The following FRY variants were observed in gnomAD, a reference collection of about 807,000 sequenced individuals.
FRY encodes FRY microtubule binding protein.
Under a neutral mutation model 348.4 loss-of-function variants are expected in FRY, and 128 were observed. That is an observed-to-expected ratio of 0.37 (90% CI 0.32 to 0.43). The LOEUF is 0.43. FRY is among the 20% of genes least tolerant of loss of function. FRY has a pLI of 1.00. For missense variants in FRY, 2,736 were observed against 3,695.2 expected, an observed-to-expected ratio of 0.74 and a Z score of 6.73; for synonymous variants, 1,370 against 1,374.7, an observed-to-expected ratio of 1.00 and a Z score of 0.08.
At chr13:32,125,400 G>C (rs533407146) in intron 7 of FRY, among the ~76,000 whole-genome samples, 1 of 152,284 alleles carries the variant, frequency 6.6e-6, no homozygotes, top group Admixed American at 6.5e-5. Context: ...ACAAAATTGC[G>C]TTAGACTATT....
At chr13:32,056,600 G>T (rs2138424903) in intron 1 of FRY, among the ~76,000 whole-genome samples, 1 of 152,264 alleles carries the variant, frequency 6.6e-6, no homozygotes, top group East Asian at 1.9e-4. Flanking sequence ...CTTATGTTGT[G>T]CTCCATTTGG....
chr13:32,115,911 G>A (rs945598051), intron 3 of FRY, among the ~76,000 whole-genome samples: 9 of 151,502 alleles, frequency 5.9e-5, no homozygotes, highest in African/African-American at 2.2e-4. Context: ...CTAACAAATT[G>A]GAATCATACC....
At chr13:32,166,264 G>T (rs921919489) in intron 17 of FRY, among the ~76,000 whole-genome samples, 6 of 152,150 alleles carry the variant, frequency 3.9e-5, no homozygotes, top group African/African-American at 1.4e-4. Flanking sequence ...CTTAATTGTT[G>T]CCACCAAACT....
At chr13:32,164,669 G>A (rs1881632300) in intron 17 of FRY, among the ~76,000 whole-genome samples, 1 of 152,170 alleles carries the variant, frequency 6.6e-6, no homozygotes, top group Non-Finnish European at 1.5e-5. Context: ...AAGCTTCACA[G>A]GCCCTCCTGA....
chr13:32,173,958 G>A (rs58748973), intron 19 of FRY, among the ~76,000 whole-genome samples: 19,047 of 152,250 alleles, frequency 0.13, 1,517 homozygotes, highest in African/African-American at 0.22. Context: ...ATTGAAAGAT[G>A]TTTAATCTTG....
At chr13:32,225,610 A>C (rs1885539435) in intron 38 of FRY, among the ~76,000 whole-genome samples, 179 bp from the exon 39 acceptor site, 1 of 152,240 alleles carries the variant, frequency 6.6e-6, no homozygotes, top group Non-Finnish European at 1.5e-5. Flanking sequence ...TTACTTAAGA[A>C]ATAAAGCATT....
At position 32,247,386 on chromosome 13, in the gene FRY, G is replaced by A. The variant is rs1359281704; in HGVS notation, c.6892G>A (p.Val2298Ile). ...KLVVSRSASL[V>I]LPSYQHSDLS... ...GGTAGTTTCTCGGTCAGCCAGCCTT[G>A]TTTTACCTTCATACCAGCACAGTGA... Residue 2298 changes from valine (V) to isoleucine (I), a missense_variant, in exon 48 of 61, where the codon GTT becomes ATT. Physicochemically the swap from Val to Ile is conservative, Grantham distance 29. Around this residue, in one of 9 missense-constraint regions of FRY, gnomAD observed 789 missense variants for 996.2 expected, o/e 0.79. Coordinates refer to ENST00000542859, the MANE Select transcript of FRY (RefSeq NM_023037.3). The A allele has an allele frequency of 1.9e-6, 3 of 1,613,584 alleles. No individual in the cohort carries two copies. The highest frequency in any genetic ancestry group is 4.5e-5 in the East Asian group (2 of 44,890).
intron 1 of FRY, among the ~76,000 whole-genome samples, chr13:32,057,915 G>A (rs407522): frequency 0.46 from 69,968 of 151,878 alleles, 18,426 homozygotes; most frequent in Non-Finnish European, 0.57. Context: ...AGCCAAGATC[G>A]CGCCACTATA....
intron 3 of FRY, among the ~76,000 whole-genome samples, chr13:32,114,159 A>T (rs1183758888): frequency 6.6e-6 from 1 of 152,200 alleles, no homozygotes; most frequent in East Asian, 1.9e-4. Flanking sequence ...GTCTGTAGTG[A>T]GTATTGGAAC....
At chr13:32,255,545 A>G (rs1887286896) in intron 51 of FRY, among the ~76,000 whole-genome samples, 1 of 152,228 alleles carries the variant, frequency 6.6e-6, no homozygotes. Flanking sequence ...TTCTTCACCA[A>G]TTCTTTCCCT....
At chr13:32,192,454 A>G (rs1389905652) in intron 28 of FRY, among the ~76,000 whole-genome samples, 1 of 152,032 alleles carries the variant, frequency 6.6e-6, no homozygotes, top group Admixed American at 6.5e-5. Flanking sequence ...CTGGGACTAC[A>G]GGCGCCCGCC....
chr13:32,112,571 T>C (rs1465851234), intron 3 of FRY, among the ~76,000 whole-genome samples: 2 of 152,234 alleles, frequency 1.3e-5, no homozygotes, highest in Non-Finnish European at 2.9e-5. Context: ...AAGCTGTAAC[T>C]ATTTGCAATT....
At chr13:32,224,118 A>C in intron 36 of FRY, 117 bp from the exon 37 acceptor site, 1 of 1,047,260 alleles carries the variant, frequency 9.5e-7, no homozygotes, top group Non-Finnish European at 1.5e-6. Context: ...TTAAAAATGA[A>C]AAATAAAGTT....
chr13:32,237,455 C>T lies in FRY; in HGVS notation c.5887C>T (p.Pro1963Ser). 1 of 1,613,952 alleles carries T rather than the reference C, an allele frequency of 6.2e-7. No individual in the cohort carries two copies. Among genetic ancestry groups the T allele is most frequent in the Non-Finnish European group, 8.5e-7 (1 of 1,179,990 alleles). ...GAGCACAGGACAACTAAACATGAAC[C>T]CGGGAACCACCAGCGGCAACACCGC... is the stretch of plus-strand genomic sequence containing the variant. ...RKSTGQLNMN[P>S]GTTSGNTATA... is the part of the protein sequence containing the mutation. The change falls in exon 44 of 61, where the codon CCG becomes TCG. Residue 1963 changes from proline to serine, a missense_variant. Transcript: ENST00000542859. This position sits in a 1 kb window ranked among gnomAD's most constrained non-coding sequence, Gnocchi z 6.3.
intron 17 of FRY, among the ~76,000 whole-genome samples, chr13:32,170,625 C>T (rs1279482273): frequency 6.6e-6 from 1 of 152,196 alleles, no homozygotes; most frequent in Non-Finnish European, 1.5e-5. Flanking sequence ...CAACCTCAGC[C>T]TCCCAGGTTC....
chr13:32,210,885 A>G lies in FRY; in HGVS notation c.4442A>G (p.Tyr1481Cys). The change falls in exon 34 of 61, where the codon TAC (tyrosine) becomes TGC (cysteine). Residue 1481 changes from tyrosine (Y) to cysteine (C), a missense_variant. Transcript: ENST00000542859. ...LLPYIKKVAI[Y>C]LCRNNTIQTM... The stretch of plus-strand genomic sequence containing the variant: ...TCTCAGATTAAAAAAGTGGCAATAT[A>G]CTTGTGCCGTAACAACACCATTCAA... 6.2e-7 allele frequency: 1 copy of G among 1,613,910 alleles called. No homozygotes were observed. Among genetic ancestry groups the G allele is most frequent in the Non-Finnish European group, 8.5e-7 (1 of 1,179,836 alleles).
chr13:32,224,487 C>T (rs758886083), intron 37 of FRY, 102 bp downstream of exon 37: 16 of 1,059,322 alleles, frequency 1.5e-5, no homozygotes, highest in Admixed American at 7.4e-5. Context: ...ATTAAATTAT[C>T]TTATCAATCA....
intron 3 of FRY, among the ~76,000 whole-genome samples, chr13:32,103,023 A>C (rs1446025958): frequency 6.6e-6 from 1 of 152,176 alleles, no homozygotes; most frequent in Non-Finnish European, 1.5e-5. Flanking sequence ...ACAAATTTAG[A>C]CTTGTATGAT....
At chr13:32,226,181 A>G (rs957120861) in intron 39 of FRY, among the ~76,000 whole-genome samples, 1 of 152,168 alleles carries the variant, frequency 6.6e-6, no homozygotes, top group African/African-American at 2.4e-5. Context: ...AATATTTGAA[A>G]TATATTTTTC....
Sources: allele counts gnomAD v4.1 joint callset (sites outside exome capture counted in the v4.1 genomes callset), GRCh38; gene constraint gnomAD v4.1.1; regional missense constraint gnomAD v4.1.1; non-coding constraint Gnocchi (gnomAD v3.1); transcripts MANE v1.5; gene names NCBI Gene and HGNC (gene_info 2026-07-23, HGNC 2026-07-21).